Variants in DOK6 observed in about 807,000 individuals in gnomAD.
DOK6 encodes the protein downstream of tyrosine kinase 6.
DOK6 carries 22 observed loss-of-function variants against 44.0 expected under a neutral mutation model. The observed-to-expected ratio is 0.50, with a 90% CI of 0.36 to 0.71. The LOEUF (loss-of-function observed/expected upper bound fraction) is 0.71. Among genes scored for constraint, DOK6 ranks in the 30% least tolerant of loss-of-function variants. The pLI, the probability that DOK6 is intolerant of heterozygous loss-of-function variation, is 0.00. For missense variants in DOK6, 340 were observed against 416.4 expected (o/e 0.82, Z 1.60); for synonymous variants, 166 against 145.5 (o/e 1.14, Z -1.01).
chr18:69,774,762 C>A (rs1980011193), intron 7 of DOK6, among the ~76,000 whole-genome samples: 1 of 151,518 alleles, frequency 6.6e-6, no homozygotes, highest in African/African-American at 2.4e-5. Context: ...AATAATCATT[C>A]CTAAAGGAGA....
chr18:69,743,832 A>AAC (rs1978885903), intron 6 of DOK6, among the ~76,000 whole-genome samples: 2 of 151,898 alleles, frequency 1.3e-5, no homozygotes, highest in African/African-American at 4.8e-5. Flanking sequence ...AAAAAAAAAA[A>AAC]AAAACAGCAT....
At chr18:69,531,802 G>C (rs947465005) in intron 1 of DOK6, among the ~76,000 whole-genome samples, 6 of 151,984 alleles carry the variant, frequency 3.9e-5, no homozygotes, top group African/African-American at 1.5e-4. Flanking sequence ...CTTTTTAAAG[G>C]ATATCTCCTA....
intron 2 of DOK6, among the ~76,000 whole-genome samples, chr18:69,565,505 GTGTGTGTGTGTGTGTGTATA>G (rs1329882166): frequency 0.093 from 1,517 of 16,264 alleles, 31 homozygotes; most frequent in Middle Eastern, 0.17. Context: ...GTGTGTGTGT[GTGTGTGTGTGTGTGTGTATA>G]TATATATACA....
chr18:69,528,508 G>A (rs1302426979), intron 1 of DOK6, among the ~76,000 whole-genome samples: 1 of 152,186 alleles, frequency 6.6e-6, no homozygotes, highest in Non-Finnish European at 1.5e-5. Flanking sequence ...CATTTATCCA[G>A]GAGATTCCCT....
At chr18:69,772,156 TG>T in intron 7 of DOK6, among the ~76,000 whole-genome samples, 1 of 151,860 alleles carries the variant, frequency 6.6e-6, no homozygotes, top group Admixed American at 6.6e-5. Context: ...GGTGACAGAA[TG>T]AGACTCCATC....
chr18:69,668,823 C>CA (rs1458534073), intron 3 of DOK6, among the ~76,000 whole-genome samples: 1 of 151,888 alleles, frequency 6.6e-6, no homozygotes, highest in Non-Finnish European at 1.5e-5. Flanking sequence ...CATATTTGAA[C>CA]AAAAAAGGTT....
chr18:69,478,129 G>T (rs566122905), intron 1 of DOK6, among the ~76,000 whole-genome samples: 1 of 152,096 alleles, frequency 6.6e-6, no homozygotes, highest in Non-Finnish European at 1.5e-5. Context: ...ACTTAAATAC[G>T]TGTGTGTTTA....
intron 7 of DOK6, among the ~76,000 whole-genome samples, chr18:69,804,755 A>G (rs1481857159): frequency 2.0e-5 from 3 of 152,172 alleles, no homozygotes; most frequent in Non-Finnish European, 4.4e-5. Context: ...CTTCAACGAA[A>G]CTACTTAAGC....
At chr18:69,536,830 A>C (rs951107869) in intron 1 of DOK6, among the ~76,000 whole-genome samples, 7 of 151,988 alleles carry the variant, frequency 4.6e-5, no homozygotes, top group African/African-American at 1.7e-4. Context: ...TAGAAAGTCT[A>C]AGTTGTTTGG....
At chr18:69,587,029 T>G (rs1309549476) in intron 2 of DOK6, among the ~76,000 whole-genome samples, 1 of 152,112 alleles carries the variant, frequency 6.6e-6, no homozygotes, top group African/African-American at 2.4e-5. Context: ...ACTGGAGAAA[T>G]GGGGCTATAT....
chr18:69,462,098 T>G (rs1468752198), intron 1 of DOK6, among the ~76,000 whole-genome samples: 1 of 152,214 alleles, frequency 6.6e-6, no homozygotes, highest in African/African-American at 2.4e-5. Context: ...GATATCTCTT[T>G]TTGGATATCT....
chr18:69,458,551 G>A (rs1453105787), intron 1 of DOK6, among the ~76,000 whole-genome samples: 2 of 152,120 alleles, frequency 1.3e-5, no homozygotes, highest in African/African-American at 4.8e-5. Context: ...GAGAAGTCAG[G>A]CAAGGGAAAG....
At chr18:69,438,856 A>G (rs1433443287) in intron 1 of DOK6, among the ~76,000 whole-genome samples, 2 of 152,156 alleles carry the variant, frequency 1.3e-5, no homozygotes, top group African/African-American at 4.8e-5. Context: ...GGATTGCATG[A>G]ACCCAGGTAT....
intron 2 of DOK6, among the ~76,000 whole-genome samples, chr18:69,591,749 A>G (rs183907872): frequency 1.7e-3 from 259 of 152,250 alleles, no homozygotes; most frequent in Non-Finnish European, 2.9e-3. Flanking sequence ...AACTAGACCT[A>G]TGAATTCTAG....
intron 1 of DOK6, among the ~76,000 whole-genome samples, chr18:69,484,700 C>T (rs1980525105): frequency 6.6e-6 from 1 of 152,108 alleles, no homozygotes; most frequent in African/African-American, 2.4e-5. Context: ...ACATTGAACT[C>T]ACGGCCAGCA....
chr18:69,687,786 G>GT (rs1383972557), intron 4 of DOK6, among the ~76,000 whole-genome samples: 1 of 152,052 alleles, frequency 6.6e-6, no homozygotes, highest in Non-Finnish European at 1.5e-5. Flanking sequence ...AGTACTCAAT[G>GT]TTTTTCTCCT....
intron 7 of DOK6, among the ~76,000 whole-genome samples, chr18:69,787,076 C>T (rs945520526): frequency 7.9e-5 from 12 of 151,982 alleles, no homozygotes; most frequent in Non-Finnish European, 1.0e-4. Flanking sequence ...ATTAGCCAGG[C>T]GTGGTGGTGC....
chr18:69,589,035 G>A (rs1983568019), intron 2 of DOK6, among the ~76,000 whole-genome samples: 2 of 151,990 alleles, frequency 1.3e-5, no homozygotes, highest in African/African-American at 4.8e-5. Flanking sequence ...TCAGCAACAG[G>A]AGGCAAATAT....
rs1979407565 is a variant in DOK6 at position 69,757,801 on chromosome 18, T to A, written c.784T>A (p.Ser262Thr). ...TEPMTLSKSI[S>T]LPRSAYWHHI... ...ACCAATGACATTATCCAAATCAATA[T>A]CTCTTCCTCGCAGCGCGTACTGGCA... Residue 262 changes from serine (S) to threonine (T), a missense_variant, in exon 7 of 8, where the codon TCT becomes ACT. Ser to Thr is a moderately conservative substitution (Grantham distance 58, BLOSUM62 1). Around this residue, in one of 3 missense-constraint regions of DOK6, gnomAD observed 112 missense variants for 109.3 expected, o/e 1.02. Coordinates refer to ENST00000382713, the MANE Select transcript of DOK6 (RefSeq NM_152721.6). 2 of 1,614,020 alleles carry A rather than the reference T, an allele frequency of 1.2e-6. No homozygotes were observed. Among genetic ancestry groups the A allele is most frequent in the South Asian group, 1.1e-5 (1 of 91,090 alleles).
Sources: allele counts gnomAD v4.1 joint callset (sites outside exome capture counted in the v4.1 genomes callset), GRCh38; gene constraint gnomAD v4.1.1; regional missense constraint gnomAD v4.1.1; transcripts MANE v1.5; gene names NCBI Gene and HGNC (gene_info 2026-07-23, HGNC 2026-07-21).